The following MAST4 variants were observed in gnomAD, a reference collection of about 807,000 sequenced individuals.
MAST4 encodes microtubule-associated serine/threonine-protein kinase 4.
In MAST4, 89 loss-of-function variants were observed where a neutral mutation model predicts 162.7. The observed-to-expected ratio is 0.55, with a 90% CI of 0.46 to 0.65. The LOEUF is 0.65. Ranked by LOEUF, MAST4 falls within the 30% of genes least tolerant of loss-of-function variation. The pLI, the probability that MAST4 is intolerant of heterozygous loss-of-function variation, is 0.00. For synonymous variants in MAST4, 1,479 were observed against 1,361.1 expected (o/e 1.09, Z -1.91); for missense variants, 3,153 against 3,374.0 (o/e 0.93, Z 1.62).
intron 1 of MAST4, among the ~76,000 whole-genome samples, chr5:66,702,379 G>T (rs80030310): frequency 3.9e-5 from 6 of 152,186 alleles, no homozygotes; most frequent in Non-Finnish European, 8.8e-5. Context: ...AGGGGTAGAG[G>T]GAATGTGGTG....
chr5:66,880,975 G>A (rs1761656275), intron 3 of MAST4, among the ~76,000 whole-genome samples: 1 of 152,088 alleles, frequency 6.6e-6, no homozygotes, highest in Non-Finnish European at 1.5e-5. Context: ...CTTGAACACT[G>A]TTTTATTTCT....
At chr5:67,127,278 G>A (rs959358147) in intron 14 of MAST4, among the ~76,000 whole-genome samples, 2 of 152,172 alleles carry the variant, frequency 1.3e-5, no homozygotes, top group Non-Finnish European at 2.9e-5. Flanking sequence ...ATGCTGAATA[G>A]GAGTGGTGAG....
chr5:66,598,333 A>G (rs997308261), intron 1 of MAST4, among the ~76,000 whole-genome samples: 1 of 152,182 alleles, frequency 6.6e-6, no homozygotes, highest in African/African-American at 2.4e-5. Flanking sequence ...GACCTTGGGT[A>G]TATCATTTCA....
At chr5:67,067,938 C>A (rs1175781009) in intron 5 of MAST4, among the ~76,000 whole-genome samples, 2 of 152,094 alleles carry the variant, frequency 1.3e-5, no homozygotes, top group East Asian at 1.9e-4. Flanking sequence ...CACACACATA[C>A]ACACACACAG....
At chr5:66,933,478 A>G (rs1349107478) in intron 4 of MAST4, among the ~76,000 whole-genome samples, 1 of 152,236 alleles carries the variant, frequency 6.6e-6, no homozygotes, top group Non-Finnish European at 1.5e-5. Context: ...ACCTCTTACA[A>G]ACTATTCTTA....
intron 4 of MAST4, among the ~76,000 whole-genome samples, chr5:67,027,197 G>A (rs1754752704): frequency 6.6e-6 from 1 of 152,162 alleles, no homozygotes; most frequent in African/African-American, 2.4e-5. Flanking sequence ...TAAGAAAGGT[G>A]ATTTGAGTGC....
rs192974026 is a variant in MAST4, at chr5:66,961,468, G to A, written c.674+61486G>A. On this transcript the variant is annotated intron_variant, in intron 4 of 28. Transcript: ENST00000403625. ...CTAGAATTTTCCATTGGATTTATCA[G>A]TAAACACAGGGCAGTTTCTGATTCC... Among the ~76,000 whole-genome samples, 589 of 152,254 alleles carry A rather than the reference G, an allele frequency of 3.9e-3. 2 individuals are homozygous for A. The highest frequency in any genetic ancestry group is 5.9e-3 in the Non-Finnish European group (401 of 68,006).
intron 4 of MAST4, among the ~76,000 whole-genome samples, chr5:66,972,488 T>C (rs1193963115): frequency 6.6e-6 from 1 of 152,182 alleles, no homozygotes; most frequent in Non-Finnish European, 1.5e-5. Flanking sequence ...AAGCTCTGAG[T>C]CAAAAGCCAC....
intron 1 of MAST4, among the ~76,000 whole-genome samples, chr5:66,729,210 G>A (rs967711005): frequency 3.3e-5 from 5 of 152,190 alleles, no homozygotes; most frequent in Admixed American, 1.3e-4. Context: ...TATGAATTTT[G>A]TACTGTGATT....
chr5:66,967,334 T>C (rs1334240721), intron 4 of MAST4, among the ~76,000 whole-genome samples: 1 of 152,158 alleles, frequency 6.6e-6, no homozygotes, highest in East Asian at 1.9e-4. Flanking sequence ...CCAGCGGAAC[T>C]CCAGGGGCTT....
intron 3 of MAST4, among the ~76,000 whole-genome samples, chr5:66,816,301 C>T (rs566041617): frequency 3.3e-4 from 50 of 151,962 alleles, no homozygotes; most frequent in African/African-American, 1.2e-3. Context: ...ATTCTTCTTC[C>T]GATGTGGCTT....
chr5:67,008,016 C>T (rs1752242890), intron 4 of MAST4, among the ~76,000 whole-genome samples: 1 of 152,184 alleles, frequency 6.6e-6, no homozygotes, highest in South Asian at 2.1e-4. Context: ...TTGACCATGG[C>T]AGACATGAGA....
At chr5:66,940,447 C>T (rs545899367) in intron 4 of MAST4, among the ~76,000 whole-genome samples, 1 of 152,302 alleles carries the variant, frequency 6.6e-6, no homozygotes, top group Non-Finnish European at 1.5e-5. Flanking sequence ...GCTTTATCAA[C>T]TAAGTTTGTG....
Position 66,613,212 on chromosome 5 carries a change from G to A in MAST4, c.363+16194G>A, listed in dbSNP as rs756775544. Among the ~76,000 whole-genome samples the A allele has an allele frequency of 5.9e-5, 9 of 152,208 alleles. No individual in the cohort carries two copies. The South Asian group carries it at 6.2e-4, about 11-fold the overall frequency. ...ATTACAGGTGTGAGCCAGTGTGCCCGGCCCAATTAATACCATCTAAGTCAT... is the reference window on the plus strand; with the variant it reads ...ATTACAGGTGTGAGCCAGTGTGCCCAGCCCAATTAATACCATCTAAGTCAT... On this transcript the variant is annotated intron_variant, in intron 1 of 28. Transcript: ENST00000403625.
intron 4 of MAST4, among the ~76,000 whole-genome samples, chr5:67,041,366 A>G (rs1756717089): frequency 6.6e-6 from 1 of 152,178 alleles, no homozygotes; most frequent in Non-Finnish European, 1.5e-5. Flanking sequence ...TTCTTTCTAT[A>G]ACTAGGATAA....
chr5:67,009,512 G>T (rs1752424134), intron 4 of MAST4, among the ~76,000 whole-genome samples: 1 of 152,174 alleles, frequency 6.6e-6, no homozygotes, highest in African/African-American at 2.4e-5. Flanking sequence ...GTTAACTTTG[G>T]ACTTCACTTG....
chr5:67,165,730 C>A lies in MAST4; in HGVS notation c.6551C>A (p.Ala2184Asp), dbSNP rs1235524454. The A allele has an allele frequency of 6.3e-7, 1 of 1,577,752 alleles. No homozygotes were observed. The highest frequency in any genetic ancestry group is 2.4e-5 in the East Asian group (1 of 42,290). ...CCCCAGGACCCTCCCAAGCCTGTTG[C>A]TGCGCACAGTGAAAGCAGCAGCCAC... ...SSPQDPPKPVAAHSESSSHKP... is the reference protein window; with the variant it reads ...SSPQDPPKPVDAHSESSSHKP... Residue 2184 changes from alanine (A) to aspartate (D), a missense_variant, in exon 29 of 29, where the codon GCT becomes GAT. This residue lies in a region of MAST4 where 1,644 missense variants were observed against 1,495.0 expected (regional missense o/e 1.10). Coordinates refer to ENST00000403625, the MANE Select transcript of MAST4 (RefSeq NM_001164664.2).
chr5:66,751,696 T>C (rs1405406318), intron 1 of MAST4, among the ~76,000 whole-genome samples: 3 of 150,288 alleles, frequency 2.0e-5, no homozygotes, highest in Non-Finnish European at 4.4e-5. Context: ...ATGCGGAGAA[T>C]GGAACCAAGT....
intron 1 of MAST4, among the ~76,000 whole-genome samples, chr5:66,745,006 G>A (rs958050199): frequency 1.3e-5 from 2 of 152,318 alleles, no homozygotes; most frequent in African/African-American, 4.8e-5. Context: ...AGGGAAGGGG[G>A]AAGAGAATAA....
Sources: allele counts gnomAD v4.1 joint callset (sites outside exome capture counted in the v4.1 genomes callset), GRCh38; gene constraint gnomAD v4.1.1; regional missense constraint gnomAD v4.1.1; transcripts MANE v1.5; gene names NCBI Gene and HGNC (gene_info 2026-07-23, HGNC 2026-07-21).